Variants in ADAM22 observed in about 807,000 individuals in gnomAD.
ADAM22 encodes the protein ADAM metallopeptidase domain 22.
In ADAM22, 65 loss-of-function variants were observed where a neutral mutation model predicts 144.6. The ratio of observed to expected loss-of-function variants is 0.45; its 90% CI spans 0.37 to 0.55. The LOEUF (loss-of-function observed/expected upper bound fraction) is 0.55, where lower values mean the gene tolerates loss of function less well. Among genes scored for constraint, ADAM22 ranks in the 20% least tolerant of loss-of-function variants. The pLI, the probability that ADAM22 is intolerant of heterozygous loss-of-function variation, is 0.00. For missense variants in ADAM22, 974 were observed against 1,184.9 expected (o/e 0.82, Z 2.61); for synonymous variants, 391 against 412.6 (o/e 0.95, Z 0.63).
chr7:88,114,898 T>C (rs939148194), intron 6 of ADAM22, among the ~76,000 whole-genome samples: 5 of 152,168 alleles, frequency 3.3e-5, no homozygotes, highest in Admixed American at 2.6e-4. Context: ...AACATGTATG[T>C]TGGGGACTGT....
intron 8 of ADAM22, 21 bp from the exon 9 acceptor site, chr7:88,128,581 G>C (rs747573791): frequency 6.2e-6 from 10 of 1,601,774 alleles, no homozygotes; most frequent in Non-Finnish European, 8.6e-6. Context: ...ATTAGGTGCT[G>C]TTTCCTTTCC....
At chr7:88,064,062 A>G (rs1810568512) in intron 3 of ADAM22, among the ~76,000 whole-genome samples, 1 of 152,192 alleles carries the variant, frequency 6.6e-6, no homozygotes, top group African/African-American at 2.4e-5. Flanking sequence ...TTATGGCTGT[A>G]CAACAGGCCT....
intron 3 of ADAM22, among the ~76,000 whole-genome samples, chr7:87,996,462 C>T (rs181400378): frequency 3.2e-4 from 49 of 152,214 alleles, no homozygotes; most frequent in Non-Finnish European, 5.7e-4. Flanking sequence ...CTTATAAGAG[C>T]GTGAATTCTA....
chr7:88,001,749 G>A (rs1438686753), intron 3 of ADAM22, among the ~76,000 whole-genome samples: 1 of 151,760 alleles, frequency 6.6e-6, no homozygotes, highest in Non-Finnish European at 1.5e-5. Flanking sequence ...TTGGCATGGT[G>A]GCCTAATAAT....
At chr7:87,947,921 G>A (rs1844111243) in intron 2 of ADAM22, among the ~76,000 whole-genome samples, 1 of 152,116 alleles carries the variant, frequency 6.6e-6, no homozygotes, top group Non-Finnish European at 1.5e-5. Flanking sequence ...TGCTCAACAA[G>A]CAAATATTGA....
At chr7:88,184,954 C>T (rs1349315690) in intron 29 of ADAM22, among the ~76,000 whole-genome samples, 1 of 152,194 alleles carries the variant, frequency 6.6e-6, no homozygotes, top group African/African-American at 2.4e-5. Flanking sequence ...TGTCTCCTCC[C>T]GGAAGTGGCC....
intron 2 of ADAM22, among the ~76,000 whole-genome samples, chr7:87,940,164 A>G (rs574837264): frequency 6.8e-6 from 1 of 146,342 alleles, no homozygotes; most frequent in South Asian, 2.2e-4. Context: ...CCTGGGCGAC[A>G]GAGCAAGTCT....
intron 3 of ADAM22, among the ~76,000 whole-genome samples, chr7:88,074,332 A>T (rs974144843): frequency 1.3e-5 from 2 of 152,218 alleles, no homozygotes; most frequent in Non-Finnish European, 2.9e-5. Flanking sequence ...TGTGTAACAC[A>T]TATACAATCT....
At chr7:88,083,833 A>G (rs1316003329) in intron 4 of ADAM22, among the ~76,000 whole-genome samples, 1 of 152,112 alleles carries the variant, frequency 6.6e-6, no homozygotes, top group Non-Finnish European at 1.5e-5. Context: ...GGATTAATTT[A>G]TATTACTGCC....
intron 3 of ADAM22, among the ~76,000 whole-genome samples, chr7:88,062,182 C>G (rs1362373226): frequency 6.7e-6 from 1 of 149,472 alleles, no homozygotes; most frequent in Non-Finnish European, 1.5e-5. Context: ...GACTTCTCCT[C>G]TCTGGCTAGG....
chr7:88,005,189 A>G (rs774545532), intron 3 of ADAM22, among the ~76,000 whole-genome samples: 3 of 152,164 alleles, frequency 2.0e-5, no homozygotes, highest in Non-Finnish European at 2.9e-5. Context: ...CTCACTCCCC[A>G]TTAAATTTGT....
At chr7:88,097,339 A>G in intron 4 of ADAM22, among the ~76,000 whole-genome samples, 1 of 151,096 alleles carries the variant, frequency 6.6e-6, no homozygotes, top group South Asian at 2.1e-4. Context: ...TTTAGTAGAG[A>G]CAGGGTTTCA....
chr7:88,157,745 A>G (rs558520187), intron 22 of ADAM22, among the ~76,000 whole-genome samples: 5 of 152,286 alleles, frequency 3.3e-5, no homozygotes, highest in African/African-American at 1.2e-4. Flanking sequence ...ATAAATAACA[A>G]AAGAATGAAT....
rs756776914 is a variant in ADAM22, at chr7:88,143,116, A to G, written c.1311A>G (p.Lys437=). 5 of 1,603,692 alleles carry G rather than the reference A, an allele frequency of 3.1e-6. No individual in the cohort carries two copies. The South Asian group carries it at 5.5e-5, about 18-fold the overall frequency. Residue 437 remains lysine (K), a synonymous_variant, in exon 15 of 32, where the codon AAA becomes AAG. Coordinates refer to ENST00000413139, the MANE Select transcript of ADAM22 (RefSeq NM_001324418.2). ...NSGGGACLFN[K]PSKLLDPPEC... is the part of the protein sequence containing the mutation. ...GAGGTGGTGCCTGCCTTTTCAACAA[A>G]CCTTCTAAGGTAATAAGTGTGGTTA...
chr7:88,096,012 T>G (rs1197704540), intron 4 of ADAM22, among the ~76,000 whole-genome samples: 1 of 140,900 alleles, frequency 7.1e-6, no homozygotes, highest in Non-Finnish European at 1.5e-5. Flanking sequence ...CACTGTAAAC[T>G]CGAACTCCTA....
chr7:87,967,840 G>A (rs1849512122), intron 2 of ADAM22, among the ~76,000 whole-genome samples: 1 of 142,234 alleles, frequency 7.0e-6, no homozygotes, highest in Admixed American at 7.0e-5. Flanking sequence ...AGTATATTGA[G>A]GTTCTACTTT....
At chr7:88,164,853 T>C (rs977319727) in intron 23 of ADAM22, among the ~76,000 whole-genome samples, 1 of 152,138 alleles carries the variant, frequency 6.6e-6, no homozygotes, top group African/African-American at 2.4e-5. Context: ...TAGCAACTGA[T>C]GCTTGAAGAA....
At chr7:88,088,093 G>A (rs975058029) in intron 4 of ADAM22, among the ~76,000 whole-genome samples, 4 of 152,164 alleles carry the variant, frequency 2.6e-5, no homozygotes, top group African/African-American at 9.7e-5. Context: ...ATAAGGGTGG[G>A]AGAGGTTATT....
intron 3 of ADAM22, among the ~76,000 whole-genome samples, chr7:88,061,528 T>C (rs1563131223): frequency 6.6e-6 from 1 of 152,226 alleles, no homozygotes; most frequent in Non-Finnish European, 1.5e-5. Context: ...ATTAATCTTG[T>C]ACATCTCCAT....
Sources: gnomAD v4.1 joint callset for allele counts (sites outside exome capture counted in the v4.1 genomes callset) on GRCh38, gnomAD v4.1.1 for gene constraint, MANE v1.5 for transcripts, NCBI Gene and HGNC (gene_info 2026-07-23, HGNC 2026-07-21) for gene names.